Variants in ADD1 observed in about 807,000 individuals in gnomAD.
ADD1 encodes alpha-adducin.
In ADD1, 24 loss-of-function variants were observed where a neutral mutation model predicts 80.5. The observed-to-expected ratio is 0.30, with a 90% confidence interval of 0.22 to 0.42. The LOEUF (loss-of-function observed/expected upper bound fraction) is 0.42. Among genes scored for constraint, ADD1 ranks in the 10% least tolerant of loss-of-function variants. ADD1 has a pLI of 1.00. For missense variants in ADD1, 948 were observed against 1,019.0 expected (o/e 0.93, Z 0.95); for synonymous variants, 373 against 393.8 (o/e 0.95, Z 0.63).
intron 3 of ADD1, among the ~76,000 whole-genome samples, chr4:2,882,756 A>G (rs1464996666): frequency 2.6e-5 from 4 of 152,338 alleles, no homozygotes; most frequent in African/African-American, 9.6e-5. Context: ...TATTGTAATT[A>G]ATGTCTACAG....
intron 4 of ADD1, among the ~76,000 whole-genome samples, chr4:2,890,208 A>AAT (rs536650363): frequency 6.6e-6 from 1 of 151,990 alleles, no homozygotes; most frequent in Admixed American, 6.6e-5. Context: ...AAAAAAAAAA[A>AAT]GAAATAATAT....
intron 1 of ADD1, among the ~76,000 whole-genome samples, chr4:2,864,955 A>G (rs1205762435): frequency 6.6e-6 from 1 of 152,150 alleles, no homozygotes; most frequent in Non-Finnish European, 1.5e-5. Flanking sequence ...ATTAATCTTT[A>G]AAAATGTGTG....
chr4:2,872,862 T>C (rs1164825967), intron 1 of ADD1, among the ~76,000 whole-genome samples: 1 of 152,152 alleles, frequency 6.6e-6, no homozygotes, highest in Non-Finnish European at 1.5e-5. Flanking sequence ...GCCTGACCTG[T>C]TCCTACTTTT....
intron 4 of ADD1, among the ~76,000 whole-genome samples, chr4:2,893,511 GC>G (rs1734654425): frequency 6.6e-6 from 1 of 152,004 alleles, no homozygotes; most frequent in African/African-American, 2.4e-5. Context: ...TACTTGGGAG[GC>G]TGAGGTGGGA....
chr4:2,908,892 G>A (rs1188161636), intron 12 of ADD1: 2 of 491,402 alleles, frequency 4.1e-6, no homozygotes, highest in Non-Finnish European at 7.4e-6. Context: ...GATTCGGCCC[G>A]GGTTCAGCAG....
intron 1 of ADD1, among the ~76,000 whole-genome samples, chr4:2,859,414 T>C (rs1728525431): frequency 1.3e-5 from 2 of 152,190 alleles, no homozygotes. Context: ...ACCTGTACTA[T>C]TTTTTTCAGA....
At chr4:2,855,316 G>T (rs1727900120) in intron 1 of ADD1, among the ~76,000 whole-genome samples, 1 of 151,988 alleles carries the variant, frequency 6.6e-6, no homozygotes, top group Non-Finnish European at 1.5e-5. Flanking sequence ...GTACATTTAT[G>T]TTATGATTCA....
chr4:2,868,438 C>A (rs750213640), intron 1 of ADD1, among the ~76,000 whole-genome samples: 21 of 152,184 alleles, frequency 1.4e-4, no homozygotes, highest in Non-Finnish European at 2.1e-4. Flanking sequence ...AGTGTCGGAG[C>A]CCCCAAGTCT....
intron 2 of ADD1, among the ~76,000 whole-genome samples, chr4:2,877,802 C>T (rs1317595007): frequency 2.0e-5 from 3 of 152,058 alleles, no homozygotes; most frequent in African/African-American, 4.8e-5. Context: ...CTGGGGAATC[C>T]GCATCTCTAC....
chr4:2,909,358 G>A lies in ADD1; in HGVS notation c.1718G>A (p.Cys573Tyr), dbSNP rs1350658956. The change falls in exon 13 of 16, where the codon TGT becomes TAT. Residue 573 changes from cysteine to tyrosine, a missense_variant. Physicochemically the swap from Cys to Tyr is radical, Grantham distance 194 (BLOSUM62 -2). Coordinates refer to ENST00000683351, the MANE Select transcript of ADD1 (RefSeq NM_001354761.2). Reference protein sequence around the residue: ...SLVQDAPLSDCTETIEGLELT... With the variant: ...SLVQDAPLSDYTETIEGLELT... Reference sequence around the variant, plus strand: ...TTTCAGGATGCACCTCTCTCTGACTGTACGGAAACTATCGAAGGGCTCGAG... The same window carrying A: ...TTTCAGGATGCACCTCTCTCTGACTATACGGAAACTATCGAAGGGCTCGAG... 2 of 1,550,464 alleles carry A rather than the reference G, an allele frequency of 1.3e-6. No homozygotes were observed. Among genetic ancestry groups the A allele is most frequent in the Middle Eastern group, 1.7e-4 (1 of 5,992 alleles).
At chr4:2,883,591 T>A (rs1732748078) in intron 3 of ADD1, among the ~76,000 whole-genome samples, 2 of 152,160 alleles carry the variant, frequency 1.3e-5, no homozygotes, top group African/African-American at 4.8e-5. Context: ...TGGAGTACAG[T>A]GGCACGATCA....
chr4:2,894,502 C>T, intron 5 of ADD1, 80 bp from the exon 6 acceptor site: 1 of 1,274,190 alleles, frequency 7.8e-7, no homozygotes, highest in Non-Finnish European at 1.1e-6. Context: ...CAGAGCCAGA[C>T]CCTATCAAAA....
intron 4 of ADD1, among the ~76,000 whole-genome samples, chr4:2,889,039 G>A (rs182084488): frequency 2.6e-5 from 4 of 152,250 alleles, no homozygotes; most frequent in African/African-American, 4.8e-5. Flanking sequence ...ATGGAAGAGC[G>A]GAAGGCCAAG....
At chr4:2,913,133 C>T (rs1196810409) in intron 13 of ADD1, among the ~76,000 whole-genome samples, 1 of 152,238 alleles carries the variant, frequency 6.6e-6, no homozygotes, top group African/African-American at 2.4e-5. Flanking sequence ...CAGGTGTGAG[C>T]CACCATGCCT....
At position 2,876,048 on chromosome 4, in the gene ADD1, C is replaced by A. The variant is rs1731236841; in HGVS notation, c.133C>A (p.Leu45Ile). Residue 45 changes from leucine (L) to isoleucine (I), a missense_variant, in exon 2 of 16, where the codon CTT (leucine) becomes ATT (isoleucine). Physicochemically the swap from Leu to Ile is conservative, Grantham distance 5. Transcript: ENST00000683351. ...YLRERNMAPD[L>I]RQDFNMMEQK... ...GAGGGAGAGGAACATGGCACCAGAC[C>A]TTCGCCAGGACTTCAACATGATGGA... 1.2e-6 allele frequency: 2 copies of A among 1,614,066 alleles called. No homozygotes were observed. Among genetic ancestry groups the A allele is most frequent in the Admixed American group, 3.3e-5 (2 of 60,012 alleles).
chr4:2,904,780 A>T lies in ADD1; in HGVS notation c.1178A>T (p.Tyr393Phe). The change falls in exon 10 of 16, where the codon TAC becomes TTC. Residue 393 changes from tyrosine (Y) to phenylalanine (F), a missense_variant. Physicochemically the swap from Tyr to Phe is conservative, Grantham distance 22. Transcript: ENST00000683351. Reference sequence around the variant, plus strand: ...GGACCCTAGGGCTACAGAACTGGCTACCCTTATCGATACCCTGCTCTGAGA... The same window carrying T: ...GGACCCTAGGGCTACAGAACTGGCTTCCCTTATCGATACCCTGCTCTGAGA... ...MLDNLGYRTG[Y>F]PYRYPALREK... is the part of the protein sequence containing the mutation. 3 of 1,614,008 alleles carry T rather than the reference A, an allele frequency of 1.9e-6. No homozygotes were observed. Among genetic ancestry groups the T allele is most frequent in the Non-Finnish European group, 2.5e-6 (3 of 1,179,906 alleles).
At chr4:2,878,984 G>C (rs187003762) in intron 2 of ADD1, among the ~76,000 whole-genome samples, 2 of 152,098 alleles carry the variant, frequency 1.3e-5, no homozygotes, top group African/African-American at 4.8e-5. Context: ...CTTTGGGATT[G>C]AAGAGAGACA....
At chr4:2,877,014 A>AG (rs1342529231) in intron 2 of ADD1, among the ~76,000 whole-genome samples, 1 of 152,006 alleles carries the variant, frequency 6.6e-6, no homozygotes, top group African/African-American at 2.4e-5. Context: ...AAAAAAAAAA[A>AG]AAAAACCCTA....
At chr4:2,927,706 T>C (rs1467933184) in intron 15 of ADD1, among the ~76,000 whole-genome samples, 1 of 152,240 alleles carries the variant, frequency 6.6e-6, no homozygotes, top group Admixed American at 6.5e-5. Flanking sequence ...CACAACGTGC[T>C]GTGGGAGTTA....
Sources: gnomAD v4.1 joint callset for allele counts (sites outside exome capture counted in the v4.1 genomes callset) on GRCh38, gnomAD v4.1.1 for gene constraint, MANE v1.5 for transcripts, NCBI Gene and HGNC (gene_info 2026-07-23, HGNC 2026-07-21) for gene names.